The following RPS6KC1 variants were observed in gnomAD, a reference collection of about 807,000 sequenced individuals.
RPS6KC1 encodes inactive ribosomal protein S6 kinase delta-1.
A neutral mutation model predicts 103.8 loss-of-function variants in RPS6KC1; 54 were observed. That is an observed-to-expected ratio of 0.52 (90% CI 0.42 to 0.65). The LOEUF is 0.65. RPS6KC1 is among the 30% of genes least tolerant of loss of function. RPS6KC1 has a pLI of 0.00. For synonymous variants in RPS6KC1, 439 were observed against 438.7 expected (o/e 1.00, Z -0.01); for missense variants, 1,151 against 1,253.8 (o/e 0.92, Z 1.24).
At chr1:213,667,207 GAA>G in the RPS6KC1 span, among the ~76,000 whole-genome samples, 3 of 152,152 alleles carry the variant, frequency 2.0e-5, no homozygotes, top group Non-Finnish European at 2.9e-5. Context: ...GAAGTTCTGT[GAA>G]GTTACAGCAG....
At chr1:213,586,117 G>A in the RPS6KC1 span, among the ~76,000 whole-genome samples, 4 of 151,658 alleles carry the variant, frequency 2.6e-5, no homozygotes, top group South Asian at 2.1e-4. Context: ...CTCCCCTCCC[G>A]TTTGCCATCC....
chr1:213,629,441 T>A, the RPS6KC1 span, among the ~76,000 whole-genome samples: 1 of 152,178 alleles, frequency 6.6e-6, no homozygotes, highest in Non-Finnish European at 1.5e-5. Context: ...GCTTGGTAGA[T>A]CTTCCTCCAT....
the RPS6KC1 span, among the ~76,000 whole-genome samples, chr1:213,471,248 C>T: frequency 6.6e-6 from 1 of 152,116 alleles, no homozygotes; most frequent in East Asian, 1.9e-4. Context: ...ACTAGAGGCT[C>T]CAGGCTCATC....
chr1:213,862,039 G>A, the RPS6KC1 span, among the ~76,000 whole-genome samples: 4 of 152,160 alleles, frequency 2.6e-5, no homozygotes, highest in African/African-American at 9.7e-5. Flanking sequence ...GAAAGCGGGG[G>A]GCAGGTGAGC....
At chr1:213,217,244 C>G (rs2093690738) in intron 8 of RPS6KC1, among the ~76,000 whole-genome samples, 1 of 151,804 alleles carries the variant, frequency 6.6e-6, no homozygotes, top group South Asian at 2.1e-4. Flanking sequence ...CTATAAACAC[C>G]TCTACTCAAA....
At chr1:213,779,117 T>G in the RPS6KC1 span, among the ~76,000 whole-genome samples, 1 of 152,176 alleles carries the variant, frequency 6.6e-6, no homozygotes, top group South Asian at 2.1e-4. Context: ...AGTAGGGATA[T>G]GATCAATTGC....
the RPS6KC1 span, among the ~76,000 whole-genome samples, chr1:213,695,433 G>A: frequency 2.0e-4 from 31 of 152,312 alleles, no homozygotes; most frequent in South Asian, 6.4e-3. Context: ...CCCACTGAGG[G>A]CCAGGCACAA....
chr1:213,375,269 A>G, the RPS6KC1 span, among the ~76,000 whole-genome samples: 1 of 152,188 alleles, frequency 6.6e-6, no homozygotes, highest in East Asian at 1.9e-4. Flanking sequence ...ACACACATAT[A>G]CACATACATA....
chr1:213,187,566 C>A (rs893210808), intron 8 of RPS6KC1, among the ~76,000 whole-genome samples: 10 of 151,722 alleles, frequency 6.6e-5, no homozygotes, highest in African/African-American at 2.2e-4. Context: ...TTTAAAATTT[C>A]TTTGATAAAT....
chr1:213,404,294 G>T, the RPS6KC1 span, among the ~76,000 whole-genome samples: 1 of 152,320 alleles, frequency 6.6e-6, no homozygotes, highest in African/African-American at 2.4e-5. Context: ...GGAGGCAGCT[G>T]TGGGCCAATA....
chr1:213,302,984 A>C, the RPS6KC1 span, among the ~76,000 whole-genome samples: 1 of 152,206 alleles, frequency 6.6e-6, no homozygotes. Context: ...AGGTCTATAG[A>C]AACAGAATTT....
intron 1 of RPS6KC1, among the ~76,000 whole-genome samples, chr1:213,056,994 T>C (rs1289213208): frequency 6.6e-6 from 1 of 151,974 alleles, no homozygotes; most frequent in African/African-American, 2.4e-5. Context: ...GGCTGGAGTG[T>C]AGTGGAACGA....
chr1:213,505,295 T>C, the RPS6KC1 span, among the ~76,000 whole-genome samples: 12 of 152,152 alleles, frequency 7.9e-5, no homozygotes, highest in African/African-American at 2.9e-4. Flanking sequence ...CTGAGGATTC[T>C]TGTGTGTTAG....
At chr1:213,423,005 C>T in the RPS6KC1 span, among the ~76,000 whole-genome samples, 1 of 152,214 alleles carries the variant, frequency 6.6e-6, no homozygotes, top group African/African-American at 2.4e-5. Context: ...CCTGGAGTTT[C>T]ACTAGCAAGG....
At chr1:213,737,012 C>A in the RPS6KC1 span, among the ~76,000 whole-genome samples, 1 of 152,194 alleles carries the variant, frequency 6.6e-6, no homozygotes, top group Non-Finnish European at 1.5e-5. Context: ...TCAGCTCCCT[C>A]CCGTGTTCCA....
At chr1:213,610,543 T>A in the RPS6KC1 span, among the ~76,000 whole-genome samples, 1 of 152,204 alleles carries the variant, frequency 6.6e-6, no homozygotes, top group Non-Finnish European at 1.5e-5. Context: ...ACTCGTTTCC[T>A]GACCCCTGGC....
chr1:213,469,763 C>G, the RPS6KC1 span, among the ~76,000 whole-genome samples: 1 of 152,120 alleles, frequency 6.6e-6, no homozygotes, highest in Non-Finnish European at 1.5e-5. Flanking sequence ...TTAAAAATAA[C>G]AATTTGTCTT....
At chr1:213,843,378 G>A in the RPS6KC1 span, 1 of 152,238 alleles carries the variant, frequency 6.6e-6, no homozygotes, top group South Asian at 2.1e-4. Context: ...GAAGGTGGTT[G>A]GCTAAGAGAC....
the RPS6KC1 span, among the ~76,000 whole-genome samples, chr1:213,280,866 C>G: frequency 6.6e-6 from 1 of 152,178 alleles, no homozygotes; most frequent in African/African-American, 2.4e-5. Flanking sequence ...GCAGTTCCTT[C>G]ATCTGTCTCT....
Sources: allele counts gnomAD v4.1 joint callset (sites outside exome capture counted in the v4.1 genomes callset), GRCh38; gene constraint gnomAD v4.1.1; transcripts MANE v1.5; gene names NCBI Gene and HGNC (gene_info 2026-07-23, HGNC 2026-07-21).